The following CYP3A4 variants were observed in gnomAD, a reference collection of about 807,000 sequenced individuals.
CYP3A4 encodes cytochrome P450 3A4.
A neutral mutation model predicts 54.9 loss-of-function variants in CYP3A4; 41 were observed. The observed-to-expected ratio is 0.75, with a 90% CI of 0.58 to 0.97. The LOEUF is 0.97. Ranked by LOEUF, CYP3A4 falls within the 50% of genes least tolerant of loss-of-function variation. The probability of loss-of-function intolerance (pLI) is 0.00; values close to 1 mark genes in which losing one functional copy is unlikely to be tolerated. For missense variants in CYP3A4, 510 were observed against 597.3 expected (o/e 0.85, Z 1.52); for synonymous variants, 179 against 205.2 (o/e 0.87, Z 1.09).
chr7:99,784,078 C>T lies in CYP3A4; in HGVS notation c.4G>A (p.Ala2Thr), dbSNP rs1226205448. 3.1e-6 allele frequency: 5 copies of T among 1,613,506 alleles called. No individual in the cohort carries two copies. The East Asian group carries it at 6.7e-5, about 22-fold the overall frequency. M[A>T]LIPDLAMETW... ...TCCATGGCCAAGTCTGGGATGAGAG[C>T]CATCACTACTTTCCTTACTTATCTC... Residue 2 changes from alanine (A) to threonine (T), a missense_variant, in exon 1 of 13, where the codon GCT becomes ACT. Physicochemically the swap from Ala to Thr is moderately conservative, Grantham distance 58 (BLOSUM62 0). This residue lies in a region of CYP3A4 where 272 missense variants were observed against 274.9 expected (regional missense o/e 0.99). Transcript: ENST00000651514.
At chr7:99,761,579 T>C (rs1815334891) in intron 11 of CYP3A4, among the ~76,000 whole-genome samples, 1 of 152,228 alleles carries the variant, frequency 6.6e-6, no homozygotes, top group African/African-American at 2.4e-5. Context: ...ATGATGCTAC[T>C]GTACCGATGT....
In CYP3A4 at chr7:99,757,941, A is replaced by T. The variant is rs1419837426; in HGVS notation, c.*192T>A. On this transcript the variant is annotated 3_prime_UTR_variant, in exon 13 of 13. Coordinates refer to ENST00000651514, the MANE Select transcript of CYP3A4 (RefSeq NM_017460.6). ...TCACACTGATTTGGTCACCTCCTTT[A>T]TATTCCCAAGTATAACACTCTACAC... 1 of 555,800 alleles carries T rather than the reference A, an allele frequency of 1.8e-6. No homozygotes were observed. Among genetic ancestry groups the T allele is most frequent in the Non-Finnish European group, 3.2e-6 (1 of 311,046 alleles). 34.4% of individuals were successfully genotyped at this position (555,800 alleles called of 1,614,324 possible). A position where few individuals can be genotyped will look rare whatever the true frequency, so the allele number is the denominator to read the frequency against.
intron 8 of CYP3A4, chr7:99,766,927 T>G (rs1815489921): frequency 2.2e-6 from 1 of 459,842 alleles, no homozygotes; most frequent in African/African-American, 2.0e-5. Flanking sequence ...TTTCATGTGC[T>G]GTCTCTGACT....
intron 4 of CYP3A4, 120 bp downstream of exon 4, chr7:99,772,470 G>A (rs1815659094): frequency 2.5e-6 from 3 of 1,219,156 alleles, no homozygotes; most frequent in South Asian, 1.4e-5. Flanking sequence ...GGGGGGGACA[G>A]GATGAAGTGG....
At chr7:99,769,540 A>T in intron 6 of CYP3A4, 1 of 549,036 alleles carries the variant, frequency 1.8e-6, no homozygotes, top group Non-Finnish European at 3.3e-6. Flanking sequence ...AATTTAATGG[A>T]TATGTAAACC....
Position 99,768,376 on chromosome 7 carries a change from C to CA in CYP3A4, c.647dup (p.Leu216PhefsTer19), listed in dbSNP as rs768320602. The stretch of plus-strand genomic sequence containing the variant: ...TACTTATTGAGAGAAAGAATGGATC[C>CA]AAAAAATCAAATCTTAAAAGCTTCT... On this transcript the variant is annotated frameshift_variant, in exon 7 of 13. Transcript: ENST00000651514. LOFTEE classifies it high-confidence loss of function. 9.3e-6 allele frequency: 15 copies of CA among 1,613,532 alleles called. No homozygotes were observed. In the African/African-American group the frequency reaches 1.5e-4, roughly 16 times the overall value.
At position 99,762,020 on chromosome 7, in the gene CYP3A4, C is replaced by G. The variant is rs745786117; in HGVS notation, c.1253+21G>C. On this transcript the variant is annotated intron_variant, in intron 11 of 12. Transcript: ENST00000651514. ...GAACCAGGCTGGTTCAGGGAGGGCT[C>G]CCTTCCCAGGGGCCTTGTACCTTTC... 2.2e-5 allele frequency: 36 copies of G among 1,612,118 alleles called. 1 individual carries two copies. The highest frequency in any genetic ancestry group is 2.3e-5 in the Non-Finnish European group (27 of 1,178,376).
chr7:99,778,558 A>T (rs1815832227), intron 2 of CYP3A4, among the ~76,000 whole-genome samples: 1 of 152,232 alleles, frequency 6.6e-6, no homozygotes. Context: ...TACAGACACC[A>T]GGGAACTCCT....
At chr7:99,769,350 A>C (rs186388475) in intron 6 of CYP3A4, among the ~76,000 whole-genome samples, 51 of 152,246 alleles carry the variant, frequency 3.3e-4, no homozygotes, top group African/African-American at 1.2e-3. Flanking sequence ...AAAAACATGA[A>C]ATGATCAAAG....
intron 9 of CYP3A4, among the ~76,000 whole-genome samples, chr7:99,764,264 C>G (rs1194474844): frequency 6.6e-6 from 1 of 152,110 alleles, no homozygotes; most frequent in Non-Finnish European, 1.5e-5. Flanking sequence ...TCATGCCACC[C>G]CCGCCACCTG....
At chr7:99,767,355 G>A (rs1815502228) in intron 7 of CYP3A4, 97 bp from the exon 8 acceptor site, 1 of 1,102,834 alleles carries the variant, frequency 9.1e-7, no homozygotes, top group East Asian at 2.6e-5. Flanking sequence ...AACCAGAAGA[G>A]TAAAAGACAT....
At chr7:99,762,372 T>C in intron 10 of CYP3A4, 105 bp from the exon 11 acceptor site, 2 of 1,409,042 alleles carry the variant, frequency 1.4e-6, no homozygotes, top group Non-Finnish European at 2.0e-6. Flanking sequence ...GACTAACTCA[T>C]ACTGGTAAAG....
At chr7:99,761,937 G>T in intron 11 of CYP3A4, 104 bp downstream of exon 11, 3 of 1,034,184 alleles carry the variant, frequency 2.9e-6, no homozygotes, top group Non-Finnish European at 2.9e-6. Flanking sequence ...AAAAATACAA[G>T]CAAATAATTA....
intron 3 of CYP3A4, among the ~76,000 whole-genome samples, chr7:99,775,019 A>G (rs565026207): frequency 6.6e-6 from 1 of 152,352 alleles, no homozygotes; most frequent in South Asian, 2.1e-4. Flanking sequence ...ATTTACAAAA[A>G]TCACAAGCAT....
Position 99,766,388 on chromosome 7 carries a change from T to C in CYP3A4, c.854A>G (p.Glu285Gly), listed in dbSNP as rs1214066754. The C allele has an allele frequency of 1.2e-6, 2 of 1,613,644 alleles. No individual in the cohort carries two copies. The highest frequency in any genetic ancestry group is 1.1e-5 in the South Asian group (1 of 91,064). Residue 285 changes from glutamate (E) to glycine (G), a missense_variant, in exon 9 of 13, where the codon GAG becomes GGG. Glu to Gly is a moderately conservative substitution (Grantham distance 98). Around this residue, in one of 2 missense-constraint regions of CYP3A4, gnomAD observed 238 missense variants for 322.5 expected, o/e 0.74. Transcript: ENST00000651514. ...MIDSQNSKET[E>G]SHKALSDLEL... ...AACACTCTGGTTACCTTTGTGGGAC[T>C]CAGTTTCTTTTGAATTCTGAGAGTC...
At chr7:99,776,371 A>T (rs752082959) in intron 3 of CYP3A4, among the ~76,000 whole-genome samples, 2 of 152,258 alleles carry the variant, frequency 1.3e-5, no homozygotes, top group East Asian at 3.9e-4. Context: ...AAATCATTCT[A>T]TGATAAAGAC....
At chr7:99,758,498 A>T (rs1352884565) in intron 12 of CYP3A4, among the ~76,000 whole-genome samples, 1 of 152,220 alleles carries the variant, frequency 6.6e-6, no homozygotes, top group Non-Finnish European at 1.5e-5. Context: ...TTCATCATCT[A>T]TCATTTAACA....
In CYP3A4 at chr7:99,772,059, C is replaced by G. The variant is rs529489815; in HGVS notation, c.318+531G>C. On this transcript the variant is annotated intron_variant, in intron 4 of 12. Transcript: ENST00000651514. ...TCAAACATGGCACCAAAAGTACAAT[C>G]CAGAAAAGGAAATATTAATACATTG... Among the ~76,000 whole-genome samples the G allele has an allele frequency of 2.6e-5, 4 of 152,156 alleles. No homozygotes were observed. The East Asian group carries it at 7.7e-4, about 29-fold the overall frequency.
At chr7:99,780,187 G>A (rs998366859) in intron 1 of CYP3A4, 102 bp from the exon 2 acceptor site, 1 of 1,171,526 alleles carries the variant, frequency 8.5e-7, no homozygotes, top group Non-Finnish European at 1.2e-6. Context: ...AGAGAACGAG[G>A]TAACATTAAG....
Sources: gnomAD v4.1 joint callset for allele counts (sites outside exome capture counted in the v4.1 genomes callset) on GRCh38, gnomAD v4.1.1 for gene constraint, gnomAD v4.1.1 regional missense constraint, MANE v1.5 for transcripts, NCBI Gene and HGNC (gene_info 2026-07-23, HGNC 2026-07-21) for gene names.